Variants in VPS13B observed in about 807,000 individuals in gnomAD.
The protein encoded by VPS13B is intermembrane lipid transfer protein VPS13B.
In VPS13B, 285 loss-of-function variants were observed where a neutral mutation model predicts 426.4. That is an observed-to-expected ratio of 0.67 (90% CI 0.61 to 0.74). The LOEUF is 0.74. VPS13B is among the 30% of genes least tolerant of loss of function. The pLI, the probability that VPS13B is intolerant of heterozygous loss-of-function variation, is 0.00. For missense variants in VPS13B, 4,537 were observed against 4,782.6 expected (o/e 0.95, Z 1.51); for synonymous variants, 1,676 against 1,676.4 (o/e 1.00, Z 0.01).
chr8:99,540,931 A>G (rs1823584205), intron 30 of VPS13B, among the ~76,000 whole-genome samples: 1 of 152,164 alleles, frequency 6.6e-6, no homozygotes, highest in South Asian at 2.1e-4. Context: ...TAAAGTGTAT[A>G]GAGTCATGGT....
rs576687237 is a variant in VPS13B, at chr8:99,430,707, C to A, written c.3083-830C>A. On this transcript the variant is annotated intron_variant, in intron 21 of 61. Transcript: ENST00000357162. ...TTTGGTTATCATCAAAATCCACCCCCCCCCCAACTTTTTTTTTGTTGTTGT... is the reference window on the plus strand; with the variant it reads ...TTTGGTTATCATCAAAATCCACCCCACCCCCAACTTTTTTTTTGTTGTTGT... Among the ~76,000 whole-genome samples the A allele has an allele frequency of 1.2e-3, 187 of 151,366 alleles. 2 individuals are homozygous for A. The highest frequency in any genetic ancestry group is 4.2e-3 in the African/African-American group (173 of 41,154).
chr8:99,642,716 A>T (rs1829420639), intron 34 of VPS13B, among the ~76,000 whole-genome samples: 1 of 152,200 alleles, frequency 6.6e-6, no homozygotes, highest in Admixed American at 6.5e-5. Context: ...CTGAATATTC[A>T]TTCTTTTTCC....
At chr8:99,576,982 A>T (rs1047854536) in intron 32 of VPS13B, among the ~76,000 whole-genome samples, 8 of 152,128 alleles carry the variant, frequency 5.3e-5, no homozygotes, top group African/African-American at 1.9e-4. Flanking sequence ...TTGCCTGCCT[A>T]AAATTGTCTG....
chr8:99,663,047 ACT>A (rs1183415449), intron 35 of VPS13B, among the ~76,000 whole-genome samples: 1 of 151,938 alleles, frequency 6.6e-6, no homozygotes, highest in East Asian at 1.9e-4. Context: ...ACAGAGCAAG[ACT>A]CTGTCTCAAA....
At chr8:99,070,297 T>G (rs996236446) in intron 3 of VPS13B, among the ~76,000 whole-genome samples, 1 of 152,230 alleles carries the variant, frequency 6.6e-6, no homozygotes, top group Non-Finnish European at 1.5e-5. Flanking sequence ...CATCCTAAAG[T>G]ACTAAGAAAT....
At chr8:99,164,863 T>A (rs577485908) in intron 15 of VPS13B, among the ~76,000 whole-genome samples, 27 of 152,198 alleles carry the variant, frequency 1.8e-4, no homozygotes, top group Non-Finnish European at 3.5e-4. Context: ...TTTGACTTTC[T>A]CTTTCTCTCT....
At position 99,249,527 on chromosome 8, in the gene VPS13B, C is replaced by G. The variant is rs565295137; in HGVS notation, c.2516-24671C>G. Among the ~76,000 whole-genome samples, 51 of 151,508 alleles carry G rather than the reference C, an allele frequency of 3.4e-4. No individual in the cohort carries two copies. The South Asian group carries it at 5.4e-3, about 16-fold the overall frequency. On this transcript the variant is annotated intron_variant, in intron 17 of 61. Coordinates refer to ENST00000357162, the MANE Select transcript of VPS13B (RefSeq NM_152564.5). ...CTGCAAGCCCCTCCCTGGTTCACGCCGTTCTCCTGCCTCAGCCTCCGGAGT... is the reference window on the plus strand; with the variant it reads ...CTGCAAGCCCCTCCCTGGTTCACGCGGTTCTCCTGCCTCAGCCTCCGGAGT...
chr8:99,711,364 A>G (rs1832703151), intron 36 of VPS13B, among the ~76,000 whole-genome samples: 1 of 152,184 alleles, frequency 6.6e-6, no homozygotes, highest in Non-Finnish European at 1.5e-5. Context: ...ATATCTGTAG[A>G]TTTTGTATTT....
intron 35 of VPS13B, among the ~76,000 whole-genome samples, chr8:99,699,131 C>CT (rs370004663): frequency 0.18 from 16,104 of 90,490 alleles, 1,796 homozygotes; most frequent in East Asian, 0.38. Context: ...TAAGGAAAGT[C>CT]TTTTTTTTTT....
chr8:99,321,210 CTT>C (rs58817658), intron 19 of VPS13B, among the ~76,000 whole-genome samples: 124 of 93,952 alleles, frequency 1.3e-3, no homozygotes, highest in East Asian at 2.8e-3. Context: ...TTTTCTTTTT[CTT>C]TTTTTTTTTT....
At chr8:99,311,622 G>A (rs980495209) in intron 19 of VPS13B, among the ~76,000 whole-genome samples, 4 of 152,164 alleles carry the variant, frequency 2.6e-5, no homozygotes, top group Non-Finnish European at 5.9e-5. Flanking sequence ...AGTGTGCTGT[G>A]GTGCTGAGAA....
In VPS13B at chr8:99,103,089, A is replaced by G; in HGVS notation, c.549A>G (p.Glu183=). ...CTGCAGAATGTTATACAGTAGGTGAATTATGGGATCGTGCATTCATGGATA... is the reference window on the plus strand; with the variant it reads ...CTGCAGAATGTTATACAGTAGGTGAGTTATGGGATCGTGCATTCATGGATA... The part of the protein sequence containing the change: ...ITSAECYTVG[E]LWDRAFMDIS... Residue 183 remains glutamate (E), a synonymous_variant, in exon 5 of 62, where the codon GAA becomes GAG. Transcript: ENST00000357162. 6.2e-7 allele frequency: 1 copy of G among 1,614,040 alleles called. No individual in the cohort carries two copies. Among genetic ancestry groups the G allele is most frequent in the South Asian group, 1.1e-5 (1 of 91,084 alleles).
At chr8:99,654,981 C>T (rs1829969628) in intron 34 of VPS13B, among the ~76,000 whole-genome samples, 1 of 152,066 alleles carries the variant, frequency 6.6e-6, no homozygotes, top group Admixed American at 6.5e-5. Flanking sequence ...TTTCCTCCTA[C>T]CCTACTCTAG....
intron 39 of VPS13B, among the ~76,000 whole-genome samples, chr8:99,723,053 G>A (rs1397052769): frequency 6.6e-6 from 1 of 152,124 alleles, no homozygotes; most frequent in Non-Finnish European, 1.5e-5. Flanking sequence ...ATCTTCTCAC[G>A]GTTATTAGGA....
chr8:99,439,219 G>A (rs1435733091), intron 22 of VPS13B, among the ~76,000 whole-genome samples: 1 of 152,080 alleles, frequency 6.6e-6, no homozygotes, highest in Admixed American at 6.5e-5. Flanking sequence ...TTGTTTAATT[G>A]TTTCTACTTG....
At chr8:99,077,771 C>G (rs1358694995) in intron 3 of VPS13B, among the ~76,000 whole-genome samples, 2 of 152,026 alleles carry the variant, frequency 1.3e-5, no homozygotes, top group Middle Eastern at 6.8e-3. Context: ...TTGTATGGCT[C>G]TTGCAGGAGT....
chr8:99,238,256 G>A (rs6990637), intron 17 of VPS13B, among the ~76,000 whole-genome samples: 109,204 of 151,866 alleles, frequency 0.72, 40,010 homozygotes, highest in South Asian at 0.83. Context: ...GTGTGTGTGT[G>A]TGTGTGTGTG....
chr8:99,423,423 A>AT (rs202230044), intron 21 of VPS13B, among the ~76,000 whole-genome samples: 8,037 of 138,338 alleles, frequency 0.058, 394 homozygotes, highest in African/African-American at 0.14. Flanking sequence ...CATCTAGCTA[A>AT]TTTTTTTTTT....
At chr8:99,029,352 G>A (rs555517316) in intron 2 of VPS13B, among the ~76,000 whole-genome samples, 6 of 152,010 alleles carry the variant, frequency 3.9e-5, no homozygotes, top group Non-Finnish European at 8.8e-5. Context: ...AGGCAGAGAC[G>A]CTCCTCACTT....
Sources: allele counts gnomAD v4.1 joint callset (sites outside exome capture counted in the v4.1 genomes callset), GRCh38; gene constraint gnomAD v4.1.1; transcripts MANE v1.5; gene names NCBI Gene and HGNC (gene_info 2026-07-23, HGNC 2026-07-21).